Variants in GBGT1 observed in about 807,000 individuals in gnomAD.
GBGT1 encodes the protein globoside alpha-1,3-N-acetylgalactosaminyltransferase 1 (FORS blood group).
In GBGT1, 18 loss-of-function variants were observed where a neutral mutation model predicts 20.9. The ratio of observed to expected loss-of-function variants is 0.86; its 90% CI spans 0.60 to 1.28. GBGT1 has a LOEUF of 1.28. GBGT1 is among the 50% of genes most tolerant of loss of function. GBGT1 has a pLI of 0.00. For synonymous variants in GBGT1, 168 were observed against 180.8 expected, an observed-to-expected ratio of 0.93 and a Z score of 0.57; for missense variants, 432 against 455.7, an observed-to-expected ratio of 0.95 and a Z score of 0.47.
chr9:133,162,602 C>T (rs1046009653), intron 1 of GBGT1, 70 bp from the exon 2 acceptor site: 13 of 600,920 alleles, frequency 2.2e-5, no homozygotes, highest in East Asian at 8.5e-5. Context: ...AGTGCAGTGG[C>T]GCAATCTCCA....
At chr9:133,161,280 A>C in intron 3 of GBGT1, 187 bp downstream of exon 3, 1 of 538,926 alleles carries the variant, frequency 1.9e-6, no homozygotes, top group African/African-American at 1.9e-5. Flanking sequence ...ATGCTGGAAG[A>C]CCGAAATGGG....
At position 133,158,122 on chromosome 9, in the gene GBGT1, C is replaced by T. The variant is rs549841202; in HGVS notation, c.138-2057G>A. On this transcript the variant is annotated intron_variant, in intron 3 of 6. Coordinates refer to ENST00000372040, the MANE Select transcript of GBGT1 (RefSeq NM_021996.6). ...ATCCCGCCACTGCACTCCAGCCTGGCGACAGAGCAAGACTGCATCTCAAAA... is the reference window on the plus strand; with the variant it reads ...ATCCCGCCACTGCACTCCAGCCTGGTGACAGAGCAAGACTGCATCTCAAAA... Among the ~76,000 whole-genome samples the T allele has an allele frequency of 3.9e-3, 591 of 151,818 alleles. 4 individuals are homozygous for T. Among genetic ancestry groups the T allele is most frequent in the African/African-American group, 0.013 (554 of 41,414 alleles).
At chr9:133,155,468 C>T (rs1325023788) in intron 5 of GBGT1, 156 bp from the exon 6 acceptor site, 1 of 808,516 alleles carries the variant, frequency 1.2e-6, no homozygotes, top group Admixed American at 2.5e-5. Flanking sequence ...ATGATAGCCA[C>T]CTCCCAGCAG....
intron 3 of GBGT1, 127 bp from the exon 4 acceptor site, chr9:133,156,192 C>A (rs1832865083): frequency 3.0e-6 from 3 of 984,344 alleles, no homozygotes; most frequent in South Asian, 1.4e-5. Context: ...TCCCTCTGAC[C>A]TTCCCCCACA....
intron 3 of GBGT1, among the ~76,000 whole-genome samples, chr9:133,160,827 T>C (rs891057915): frequency 2.0e-5 from 3 of 151,986 alleles, no homozygotes; most frequent in African/African-American, 4.8e-5. Context: ...CTGGCCAACA[T>C]GGTGAAACGC....
At position 133,155,566 on chromosome 9, in the gene GBGT1, A is replaced by T. The variant is rs182787935; in HGVS notation, c.225-254T>A. 2.0e-5 allele frequency among the ~76,000 whole-genome samples: 3 copies of T among 152,354 alleles called. No homozygotes were observed. In the East Asian group the frequency reaches 5.8e-4, roughly 29 times the overall value. On this transcript the variant is annotated intron_variant, in intron 5 of 6. Coordinates refer to ENST00000372040, the MANE Select transcript of GBGT1 (RefSeq NM_021996.6). ...AGCCCCTAATAAATGAGGGTCATTAAAAAGGGCAAGACCACGTTGTTATGA... is the reference window on the plus strand; with the variant it reads ...AGCCCCTAATAAATGAGGGTCATTATAAAGGGCAAGACCACGTTGTTATGA...
In GBGT1 at chr9:133,153,844, A is replaced by G. The variant is rs778954017; in HGVS notation, c.777T>C (p.Tyr259=). ...GCCCCCCGAAGACTGCCCCACCATA[A>G]TAGAAGTCCCCTTCGCTGTCTGCCA... ...AFVADSEGDF[Y]YGGAVFGGQV... The change falls in exon 7 of 7, where the codon TAT becomes TAC. Residue 259 remains tyrosine, a synonymous_variant. Transcript: ENST00000372040. 6.3e-7 allele frequency: 1 copy of G among 1,596,936 alleles called. No individual in the cohort carries two copies. Among genetic ancestry groups the G allele is most frequent in the South Asian group, 1.1e-5 (1 of 89,292 alleles).
rs952468868 is a variant in GBGT1 at position 133,162,550 on chromosome 9, T to C, written c.-120-18A>G. On this transcript the variant is annotated intron_variant, in intron 1 of 6. Coordinates refer to ENST00000372040, the MANE Select transcript of GBGT1 (RefSeq NM_021996.6). ...AGGAACACCTGCAAAGGAACACTTT[T>C]GTTGTTTTGAGATAGAGTTTCACTC... The C allele has an allele frequency of 4.3e-6, 3 of 703,022 alleles. No individual in the cohort carries two copies. The highest frequency in any genetic ancestry group is 3.5e-5 in the African/African-American group (2 of 56,568). The allele number at this position is 703,022 out of a possible 1,614,324, so 43.5% of individuals were successfully genotyped here.
chr9:133,156,850 G>C (rs2119309613), intron 3 of GBGT1, among the ~76,000 whole-genome samples: 1 of 152,158 alleles, frequency 6.6e-6, no homozygotes, highest in East Asian at 1.9e-4. Context: ...GTAGAGATGG[G>C]GTCTTACTAT....
At chr9:133,160,759 C>T (rs571876366) in intron 3 of GBGT1, among the ~76,000 whole-genome samples, 3 of 152,240 alleles carry the variant, frequency 2.0e-5, no homozygotes, top group Admixed American at 2.0e-4. Flanking sequence ...CCTGTAATCT[C>T]AGCACTTTGG....
chr9:133,156,085 A>G lies in GBGT1; in HGVS notation c.138-20T>C. 1.9e-6 allele frequency: 3 copies of G among 1,613,718 alleles called. No individual in the cohort carries two copies. Among genetic ancestry groups the G allele is most frequent in the Non-Finnish European group, 2.5e-6 (3 of 1,179,814 alleles). On this transcript the variant is annotated intron_variant, in intron 3 of 6. Transcript: ENST00000372040. Reference sequence around the variant, plus strand: ...ATGTTGCTGGTGGCAGAGGCAAGAAAGAGCCATCATCATGGGTCTGGGGAC... The same window carrying G: ...ATGTTGCTGGTGGCAGAGGCAAGAAGGAGCCATCATCATGGGTCTGGGGAC...
chr9:133,153,640 T>C lies in GBGT1; in HGVS notation c.981A>G (p.Pro327=). The change falls in exon 7 of 7, where the codon CCA becomes CCG. Residue 327 remains proline, a synonymous_variant. Transcript: ENST00000372040. ...EYLWDDRKPQ[P]PSLKLIRFST... ...AAAAGCGGATCAGCTTCAGGCTGGG[T>C]GGCTGGGGCTTCCTGTCGTCCCAGA... 1 of 1,606,444 alleles carries C rather than the reference T, an allele frequency of 6.2e-7. No homozygotes were observed. The highest frequency in any genetic ancestry group is 8.5e-7 in the Non-Finnish European group (1 of 1,175,946).
Position 133,155,168 on chromosome 9 carries a change from C to T in GBGT1, c.359+10G>A. The T allele has an allele frequency of 6.2e-7, 1 of 1,612,916 alleles. No individual in the cohort carries two copies. ...GAGACCTCCCTCCCCTTCCCCAGCC[C>T]ACTACTCACTTCCCCACGGCAAACA... On this transcript the variant is annotated intron_variant, in intron 6 of 6. Coordinates refer to ENST00000372040, the MANE Select transcript of GBGT1 (RefSeq NM_021996.6).
chr9:133,161,517 G>C lies in GBGT1; in HGVS notation c.87C>G (p.Asn29Lys). 3.7e-6 allele frequency: 6 copies of C among 1,609,704 alleles called. No individual in the cohort carries two copies. The highest frequency in any genetic ancestry group is 5.1e-6 in the Non-Finnish European group (6 of 1,177,364). ...SLSVLWVYLENWLPVSYVPYY... is the reference protein window; with the variant it reads ...SLSVLWVYLEKWLPVSYVPYY... ...AGGGGACATAGGAGACTGGCAGCCAGTTCTCAAGATACACCCTGTGAATAA... is the reference window on the plus strand; with the variant it reads ...AGGGGACATAGGAGACTGGCAGCCACTTCTCAAGATACACCCTGTGAATAA... The change falls in exon 3 of 7, where the codon AAC (asparagine) becomes AAG (lysine). Residue 29 changes from asparagine to lysine, a missense_variant. Transcript: ENST00000372040.
chr9:133,155,851 C>G (rs1270051571), intron 5 of GBGT1, 50 bp downstream of exon 5: 1 of 1,595,056 alleles, frequency 6.3e-7, no homozygotes, highest in South Asian at 1.1e-5. Flanking sequence ...TAAATCAGAG[C>G]TCTTTTGTCC....
At chr9:133,160,733 G>C (rs183910097) in intron 3 of GBGT1, among the ~76,000 whole-genome samples, 26 of 152,258 alleles carry the variant, frequency 1.7e-4, no homozygotes, top group African/African-American at 6.0e-4. Context: ...TGACCGGACC[G>C]ATGCAGTAGC....
chr9:133,159,384 C>G lies in GBGT1; in HGVS notation c.137+2083G>C, dbSNP rs35016378. 2.2e-3 allele frequency among the ~76,000 whole-genome samples: 339 copies of G among 152,346 alleles called. 3 individuals are homozygous for G. Among genetic ancestry groups the G allele is most frequent in the African/African-American group, 7.8e-3 (325 of 41,586 alleles). ...CAGAAAGCCCTGGGATTCCAAGAAG[C>G]GGTCAGGAGTTAGAAGGGGTACCAA... On this transcript the variant is annotated intron_variant, in intron 3 of 6. Transcript: ENST00000372040.
At chr9:133,161,297 A>AC (rs1475389002) in intron 3 of GBGT1, 170 bp downstream of exon 3, 19 of 542,964 alleles carry the variant, frequency 3.5e-5, no homozygotes, top group Non-Finnish European at 5.5e-5. Context: ...TGGGAATTTC[A>AC]CTTCACGCTT....
At position 133,161,540 on chromosome 9, in the gene GBGT1, T is replaced by TA. The variant is rs35602119; in HGVS notation, c.72-9dup. On this transcript the variant is annotated splice_polypyrimidine_tract_variant and intron_variant, in intron 2 of 6. Coordinates refer to ENST00000372040, the MANE Select transcript of GBGT1 (RefSeq NM_021996.6). ...CAGTTCTCAAGATACACCCTGTGAA[T>TA]AAAAAAAAGAAAAAAAATCTGTTGA... is the stretch of plus-strand genomic sequence containing the variant. The TA allele has an allele frequency of 2.1e-4, 335 of 1,591,404 alleles. 1 individual carries two copies. Among genetic ancestry groups the TA allele is most frequent in the African/African-American group, 1.8e-3 (132 of 73,086 alleles).
Sources: allele counts gnomAD v4.1 joint callset (sites outside exome capture counted in the v4.1 genomes callset), GRCh38; gene constraint gnomAD v4.1.1; transcripts MANE v1.5; gene names NCBI Gene and HGNC (gene_info 2026-07-23, HGNC 2026-07-21).